Variants in TRPM3 observed in about 807,000 individuals in gnomAD.
TRPM3 encodes the protein transient receptor potential cation channel subfamily M member 3.
In TRPM3, 77 loss-of-function variants were observed where a neutral mutation model predicts 181.2. The ratio of observed to expected loss-of-function variants is 0.42; its 90% confidence interval spans 0.35 to 0.51. The LOEUF is 0.51. TRPM3 is among the 20% of genes least tolerant of loss of function. TRPM3 has a pLI of 0.01. For missense variants in TRPM3, 1,759 were observed against 2,196.7 expected, an observed-to-expected ratio of 0.80 and a Z score of 3.98; for synonymous variants, 745 against 796.4, an observed-to-expected ratio of 0.94 and a Z score of 1.09.
At chr9:71,186,126 C>T (rs546463468) in intron 1 of TRPM3, among the ~76,000 whole-genome samples, 1 of 151,984 alleles carries the variant, frequency 6.6e-6, no homozygotes, top group African/African-American at 2.4e-5. Context: ...GCCTCTCAAC[C>T]TTCACAGGAC....
intron 1 of TRPM3, among the ~76,000 whole-genome samples, chr9:71,069,922 T>TA (rs1270149019): frequency 3.3e-5 from 5 of 152,210 alleles, no homozygotes; most frequent in East Asian, 3.9e-4. Flanking sequence ...TTAATTTTTT[T>TA]AAAAAAGGTA....
At chr9:71,011,707 T>C (rs918304444) in intron 1 of TRPM3, among the ~76,000 whole-genome samples, 9 of 151,754 alleles carry the variant, frequency 5.9e-5, no homozygotes, top group Admixed American at 2.0e-4. Context: ...TAATTGCATC[T>C]TGATTTTAAA....
chr9:71,106,193 T>C (rs76927430), intron 1 of TRPM3, among the ~76,000 whole-genome samples: 2,361 of 152,264 alleles, frequency 0.016, 47 homozygotes, highest in East Asian at 0.077. Context: ...AAAACACATG[T>C]TTTCCTTTTG....
At chr9:71,152,698 G>A (rs772659653) in intron 1 of TRPM3, among the ~76,000 whole-genome samples, 33 of 152,094 alleles carry the variant, frequency 2.2e-4, no homozygotes, top group Non-Finnish European at 4.4e-4. Flanking sequence ...CAAGGTTGAG[G>A]CCATCATAGG....
intron 1 of TRPM3, among the ~76,000 whole-genome samples, chr9:71,219,873 G>A (rs1448558533): frequency 6.6e-6 from 1 of 152,164 alleles, no homozygotes; most frequent in Non-Finnish European, 1.5e-5. Context: ...GAAACTGTCT[G>A]ATAGTGTGTA....
chr9:71,381,649 T>A (rs2092803612), intron 1 of TRPM3, among the ~76,000 whole-genome samples: 3 of 152,150 alleles, frequency 2.0e-5, no homozygotes, highest in African/African-American at 7.2e-5. Context: ...ACAACATGAC[T>A]TAGTCACTAT....
chr9:71,225,148 C>T (rs923140101), intron 1 of TRPM3, among the ~76,000 whole-genome samples: 2 of 151,548 alleles, frequency 1.3e-5, no homozygotes, highest in Admixed American at 6.6e-5. Context: ...AGATTTAACC[C>T]AAAAAAACAC....
At chr9:71,088,018 T>C (rs1021079980) in intron 1 of TRPM3, among the ~76,000 whole-genome samples, 1 of 152,002 alleles carries the variant, frequency 6.6e-6, no homozygotes, top group Admixed American at 6.6e-5. Flanking sequence ...ATGAAGTGTT[T>C]ATTATGAGTC....
At chr9:70,921,703 T>C (rs1480663796) in intron 1 of TRPM3, among the ~76,000 whole-genome samples, 2 of 152,194 alleles carry the variant, frequency 1.3e-5, no homozygotes, top group African/African-American at 4.8e-5. Context: ...TTCTTGTGCA[T>C]GTTCTCTCTC....
At chr9:71,222,657 A>T (rs549669539) in intron 1 of TRPM3, among the ~76,000 whole-genome samples, 20 of 152,194 alleles carry the variant, frequency 1.3e-4, no homozygotes, top group Admixed American at 1.3e-3. Context: ...AGAGGGACTG[A>T]AGAGGGTGGA....
intron 1 of TRPM3, among the ~76,000 whole-genome samples, chr9:71,049,613 C>A (rs2059840023): frequency 6.6e-6 from 1 of 152,028 alleles, no homozygotes. Flanking sequence ...CCTGGGTTTG[C>A]AGGGGAAGAG....
Position 70,529,355 on chromosome 9 carries a change from G to A in TRPM3, c.*6598C>T, listed in dbSNP as rs1201053151. ...AATTTTAAAACCATTGTATTTGTAG[G>A]AATTCATTTAAAAATGATATCTGAA... On this transcript the variant is annotated 3_prime_UTR_variant, in exon 26 of 26. Coordinates refer to ENST00000677713, the MANE Select transcript of TRPM3 (RefSeq NM_001366145.2). The A allele has an allele frequency of 6.6e-6, 1 of 152,142 alleles. No homozygotes were observed. The highest frequency in any genetic ancestry group is 2.4e-5 in the African/African-American group (1 of 41,412). The allele number at this position is 152,142 out of a possible 1,614,324, so 9.4% of individuals were successfully genotyped here.
intron 1 of TRPM3, among the ~76,000 whole-genome samples, chr9:71,233,876 C>T (rs1359676328): frequency 6.6e-6 from 1 of 152,176 alleles, no homozygotes; most frequent in Non-Finnish European, 1.5e-5. Flanking sequence ...TCCGGTTGAC[C>T]TACTTTCAAA....
At position 71,359,341 on chromosome 9, in the gene TRPM3, T is replaced by C. The variant is rs573531530; in HGVS notation, c.183+87312A>G. On this transcript the variant is annotated intron_variant, in intron 1 of 24. Coordinates refer to the TRPM3 transcript ENST00000357533. ...TTCACACATGTGTGCAATATATCTG[T>C]AATGACCAAGTATGGCTGCATCCAT... 5.3e-5 allele frequency among the ~76,000 whole-genome samples: 8 copies of C among 152,350 alleles called. No homozygotes were observed. In the East Asian group the frequency reaches 1.5e-3, roughly 29 times the overall value.
At chr9:70,570,372 G>C (rs1157715886) in intron 22 of TRPM3, among the ~76,000 whole-genome samples, 2 of 129,766 alleles carry the variant, frequency 1.5e-5, no homozygotes, top group African/African-American at 2.9e-5. Context: ...GCAGCGGCAC[G>C]ATCTCAGCGG....
chr9:71,202,025 G>GT, intron 1 of TRPM3, among the ~76,000 whole-genome samples: 1 of 152,268 alleles, frequency 6.6e-6, no homozygotes, highest in South Asian at 2.1e-4. Flanking sequence ...TGTCCTTTCT[G>GT]TCTGTTAGTT....
chr9:71,348,538 GTTTATTTATTTATATA>G (rs1588611774), intron 1 of TRPM3, among the ~76,000 whole-genome samples: 3 of 135,426 alleles, frequency 2.2e-5, no homozygotes, highest in South Asian at 5.0e-4. Context: ...TCTGAAAACA[GTTTATTTATTTATATA>G]TTTATTTATT....
At chr9:71,329,100 G>C (rs1024926783) in intron 1 of TRPM3, among the ~76,000 whole-genome samples, 2 of 152,236 alleles carry the variant, frequency 1.3e-5, no homozygotes, top group Non-Finnish European at 2.9e-5. Context: ...GATAAGGTAA[G>C]AAAAATGTCT....
At chr9:70,967,168 C>T (rs547030691) in intron 1 of TRPM3, among the ~76,000 whole-genome samples, 1 of 152,188 alleles carries the variant, frequency 6.6e-6, no homozygotes, top group South Asian at 2.1e-4. Context: ...CTATTCAACT[C>T]TACCAAATGT....
Sources: gnomAD v4.1 joint callset for allele counts (sites outside exome capture counted in the v4.1 genomes callset) on GRCh38, gnomAD v4.1.1 for gene constraint, MANE v1.5 for transcripts, NCBI Gene and HGNC (gene_info 2026-07-23, HGNC 2026-07-21) for gene names.